The following CTNNA3 variants were observed in gnomAD, a reference collection of about 807,000 sequenced individuals.
The protein encoded by CTNNA3 is catenin alpha-3.
In CTNNA3, 76 loss-of-function variants were observed where a neutral mutation model predicts 95.7. That is an observed-to-expected ratio of 0.79 (90% CI 0.66 to 0.96). The LOEUF is 0.96. CTNNA3 is among the 40% of genes least tolerant of loss of function. The pLI, the probability that CTNNA3 is intolerant of heterozygous loss-of-function variation, is 0.00. For synonymous variants in CTNNA3, 431 were observed against 374.4 expected, an observed-to-expected ratio of 1.15 and a Z score of -1.74; for missense variants, 1,191 against 1,089.8, an observed-to-expected ratio of 1.09 and a Z score of -1.31.
intron 7 of CTNNA3, among the ~76,000 whole-genome samples, chr10:66,806,391 T>TAAG (rs1378186842): frequency 2.6e-5 from 4 of 151,736 alleles, no homozygotes; most frequent in Non-Finnish European, 5.9e-5. Context: ...GAGAGATAAA[T>TAAG]AAGAGTCTTT....
chr10:66,348,700 C>T (rs2092543817), intron 12 of CTNNA3, among the ~76,000 whole-genome samples: 1 of 152,066 alleles, frequency 6.6e-6, no homozygotes, highest in Non-Finnish European at 1.5e-5. Context: ...ATCTTGCCTC[C>T]TACACCATTA....
At chr10:67,584,028 T>TCC (rs1345092568) in intron 3 of CTNNA3, among the ~76,000 whole-genome samples, 7 of 152,176 alleles carry the variant, frequency 4.6e-5, no homozygotes, top group Admixed American at 4.6e-4. Context: ...CTTGGAGAAG[T>TCC]TTGTTATTCC....
chr10:67,627,117 G>C (rs1838983178), intron 2 of CTNNA3, among the ~76,000 whole-genome samples: 1 of 152,024 alleles, frequency 6.6e-6, no homozygotes, highest in African/African-American at 2.4e-5. Flanking sequence ...CTGGCTGCTG[G>C]GCTCCCAAAA....
chr10:66,370,069 C>T (rs1057225216), intron 12 of CTNNA3, among the ~76,000 whole-genome samples: 1 of 152,088 alleles, frequency 6.6e-6, no homozygotes, highest in Non-Finnish European at 1.5e-5. Flanking sequence ...CTGATTTACA[C>T]ACTCGAATTC....
At chr10:67,726,854 T>A (rs1344908742) in intron 1 of CTNNA3, among the ~76,000 whole-genome samples, 1 of 113,548 alleles carries the variant, frequency 8.8e-6, no homozygotes, top group Non-Finnish European at 1.6e-5. Context: ...AGTATAATTA[T>A]ACATTATATA....
At chr10:67,725,984 T>C (rs1345847639) in intron 1 of CTNNA3, among the ~76,000 whole-genome samples, 1 of 139,372 alleles carries the variant, frequency 7.2e-6, no homozygotes, top group African/African-American at 2.6e-5. Context: ...ATATACTATA[T>C]ACTATATATT....
intron 7 of CTNNA3, among the ~76,000 whole-genome samples, chr10:66,797,390 A>G (rs763086880): frequency 4.1e-5 from 6 of 147,570 alleles, no homozygotes; most frequent in Non-Finnish European, 7.4e-5. Flanking sequence ...CACTGCCTCA[A>G]TGAGTTCAAA....
intron 9 of CTNNA3, among the ~76,000 whole-genome samples, chr10:66,652,390 C>A (rs1845942396): frequency 6.6e-6 from 1 of 151,622 alleles, no homozygotes; most frequent in African/African-American, 2.4e-5. Flanking sequence ...ATTGAATAAC[C>A]TAGAAGAAAT....
In CTNNA3 at chr10:65,930,457, T is replaced by C. The variant is rs566367375; in HGVS notation, c.2401-9840A>G. ...AGTCTGTCAATTTTCTCCCATTGGT[T>C]AACTCTAGCTGAAAATCAGTAAGTA... On this transcript the variant is annotated intron_variant, in intron 17 of 17. Coordinates refer to ENST00000433211, the MANE Select transcript of CTNNA3 (RefSeq NM_013266.4). 4.6e-5 allele frequency among the ~76,000 whole-genome samples: 7 copies of C among 152,268 alleles called. No individual in the cohort carries two copies. In the South Asian group the frequency reaches 1.4e-3, roughly 32 times the overall value.
At chr10:66,107,525 T>G (rs1045257031) in intron 13 of CTNNA3, among the ~76,000 whole-genome samples, 1 of 152,116 alleles carries the variant, frequency 6.6e-6, no homozygotes, top group African/African-American at 2.4e-5. Context: ...AATATAGAAG[T>G]TGAAGCTGAA....
chr10:67,328,282 T>C (rs145471680), intron 5 of CTNNA3, among the ~76,000 whole-genome samples: 6 of 152,218 alleles, frequency 3.9e-5, no homozygotes, highest in African/African-American at 1.2e-4. Context: ...GCAGAAGCTA[T>C]GGTGTGGGAC....
Position 67,151,880 on chromosome 10 carries a change from G to A in CTNNA3, c.1047+28437C>T, listed in dbSNP as rs182643950. ...ACTCTTGTTCTTATAGGCCACTCCA[G>A]CCATTCCCCTAGGGGATAACATGCT... On this transcript the variant is annotated intron_variant, in intron 7 of 17. Coordinates refer to ENST00000433211, the MANE Select transcript of CTNNA3 (RefSeq NM_013266.4). Among the ~76,000 whole-genome samples, 506 of 152,272 alleles carry A rather than the reference G, an allele frequency of 3.3e-3. 1 individual carries two copies. The highest frequency in any genetic ancestry group is 0.012 in the South Asian group (57 of 4,818).
At position 67,673,800 on chromosome 10, in the gene CTNNA3, C is replaced by T. The variant is rs561903721; in HGVS notation, c.-6+22200G>A. On this transcript the variant is annotated intron_variant, in intron 1 of 17. Coordinates refer to ENST00000433211, the MANE Select transcript of CTNNA3 (RefSeq NM_013266.4). ...CTAGAGGTAAGAAGTTAATAACGGA[C>T]GTCCGTTATTAACTTCTTACCTCTA... Among the ~76,000 whole-genome samples the T allele has an allele frequency of 3.8e-3, 493 of 130,468 alleles. 5 individuals carry two copies. Among genetic ancestry groups the T allele is most frequent in the African/African-American group, 0.013 (451 of 35,410 alleles). The allele number at this position is 130,468 out of a possible 152,430, so 85.6% of individuals were successfully genotyped here. A position where few individuals can be genotyped will look rare whatever the true frequency, so the allele number is the denominator to read the frequency against.
At chr10:67,471,160 G>T (rs948290519) in intron 5 of CTNNA3, among the ~76,000 whole-genome samples, 4 of 152,070 alleles carry the variant, frequency 2.6e-5, no homozygotes, top group African/African-American at 9.7e-5. Flanking sequence ...ATTCTGTGTT[G>T]TGGGGGTTAT....
intron 11 of CTNNA3, among the ~76,000 whole-genome samples, chr10:66,498,215 G>A (rs183107486): frequency 6.6e-6 from 1 of 152,026 alleles, no homozygotes; most frequent in African/African-American, 2.4e-5. Flanking sequence ...TAGGATAATA[G>A]TAAGGAACCT....
chr10:66,993,746 C>A (rs114328201), intron 7 of CTNNA3, among the ~76,000 whole-genome samples: 1 of 148,470 alleles, frequency 6.7e-6, no homozygotes, highest in African/African-American at 2.5e-5. Flanking sequence ...GCCTGTATTT[C>A]GGATTATGTG....
intron 5 of CTNNA3, among the ~76,000 whole-genome samples, chr10:67,351,547 T>A (rs1401788543): frequency 1.3e-5 from 2 of 152,002 alleles, no homozygotes; most frequent in Admixed American, 6.6e-5. Flanking sequence ...ATACAAGGCA[T>A]AAAACATGCC....
chr10:66,784,287 A>C (rs1420056547), intron 7 of CTNNA3, among the ~76,000 whole-genome samples: 4 of 150,878 alleles, frequency 2.7e-5, no homozygotes, highest in South Asian at 4.2e-4. Context: ...GGCATATAAA[A>C]ATTTTTCCTT....
chr10:66,675,695 G>C (rs988493022), intron 9 of CTNNA3, among the ~76,000 whole-genome samples: 1 of 152,088 alleles, frequency 6.6e-6, no homozygotes, highest in Non-Finnish European at 1.5e-5. Flanking sequence ...TTATGGTCAA[G>C]AGTGGTTATG....
Sources: gnomAD v4.1 joint callset for allele counts (sites outside exome capture counted in the v4.1 genomes callset) on GRCh38, gnomAD v4.1.1 for gene constraint, MANE v1.5 for transcripts, NCBI Gene and HGNC (gene_info 2026-07-23, HGNC 2026-07-21) for gene names.